The following RORB variants were observed in gnomAD, a reference collection of about 807,000 sequenced individuals.
RORB encodes the protein nuclear receptor ROR-beta.
A neutral mutation model predicts 59.1 loss-of-function variants in RORB; 6 were observed. The observed-to-expected ratio is 0.10, with a 90% CI of 0.06 to 0.20. The LOEUF is 0.20. Ranked by LOEUF, RORB falls within the 10% of genes least tolerant of loss-of-function variation. The pLI is 1.00. For missense variants in RORB, 320 were observed against 560.5 expected (o/e 0.57, Z 4.33); for synonymous variants, 215 against 204.5 (o/e 1.05, Z -0.44).
At chr9:74,624,918 A>C (rs932061487) in intron 1 of RORB, among the ~76,000 whole-genome samples, 1 of 152,170 alleles carries the variant, frequency 6.6e-6, no homozygotes, top group African/African-American at 2.4e-5. Context: ...ATAACTGTAC[A>C]ATTATGGGAA....
chr9:74,681,424 C>T (rs892181326), intron 9 of RORB, among the ~76,000 whole-genome samples: 5 of 152,346 alleles, frequency 3.3e-5, no homozygotes, highest in East Asian at 3.9e-4. Context: ...TCTGTTTCCA[C>T]AGCCGACTGG....
chr9:74,507,931 A>G (rs1825890729), intron 1 of RORB, among the ~76,000 whole-genome samples: 1 of 152,044 alleles, frequency 6.6e-6, no homozygotes. Flanking sequence ...AAAACACATC[A>G]TATCGTTAAG....
rs1824656025 is a variant in RORB at position 74,686,885 on chromosome 9, AAAG to A, written c.*1269_*1271del. 6.6e-6 allele frequency: 1 copy of A among 152,444 alleles called. No individual in the cohort carries two copies. The highest frequency in any genetic ancestry group is 1.5e-5 in the Non-Finnish European group (1 of 68,016). 9.4% of individuals were successfully genotyped at this position (152,444 alleles called of 1,614,324 possible). A position where few individuals can be genotyped will look rare whatever the true frequency, so the allele number is the denominator to read the frequency against. ...CAAAAACTTGACAGACTAGAAAAAA[AAAG>A]ATCTGTGTTATTCTAGGGAACTAAT... On this transcript the variant is annotated 3_prime_UTR_variant, in exon 10 of 10. Coordinates refer to ENST00000376896, the MANE Select transcript of RORB (RefSeq NM_006914.4).
At chr9:74,545,309 T>C (rs1182862455) in intron 1 of RORB, among the ~76,000 whole-genome samples, 4 of 152,224 alleles carry the variant, frequency 2.6e-5, no homozygotes, top group Non-Finnish European at 5.9e-5. Flanking sequence ...TTGGAGCACG[T>C]TGGTAGTTCT....
intron 1 of RORB, among the ~76,000 whole-genome samples, chr9:74,607,437 G>A (rs1370588799): frequency 6.6e-6 from 1 of 152,088 alleles, no homozygotes; most frequent in Non-Finnish European, 1.5e-5. Context: ...AAGCTATGTT[G>A]GGGGACTACA....
rs192844643 is a variant in RORB, at chr9:74,547,121, G to T, written c.7+49138G>T. On this transcript the variant is annotated intron_variant, in intron 1 of 9. Coordinates refer to ENST00000376896, the MANE Select transcript of RORB (RefSeq NM_006914.4). ...AAAAATAAATTGTTGGATTGTTTTG[G>T]TTTTTTTTGTTATCAGAGGAGAGAC... Among the ~76,000 whole-genome samples, 1,257 of 151,960 alleles carry T rather than the reference G, an allele frequency of 8.3e-3. 11 individuals carry two copies. Among genetic ancestry groups the T allele is most frequent in the Non-Finnish European group, 0.013 (916 of 67,960 alleles).
chr9:74,684,415 C>T (rs1206834039), intron 9 of RORB, among the ~76,000 whole-genome samples: 1 of 152,126 alleles, frequency 6.6e-6, no homozygotes, highest in Non-Finnish European at 1.5e-5. Flanking sequence ...GCTATCATGC[C>T]TATCTTTTAT....
intron 8 of RORB, among the ~76,000 whole-genome samples, chr9:74,668,855 G>T (rs987751576): frequency 6.6e-6 from 1 of 152,158 alleles, no homozygotes; most frequent in Non-Finnish European, 1.5e-5. Context: ...TTGTAGAAGG[G>T]TCACCTGTAT....
chr9:74,519,285 C>A (rs1314803366), intron 1 of RORB, among the ~76,000 whole-genome samples: 1 of 151,970 alleles, frequency 6.6e-6, no homozygotes, highest in African/African-American at 2.4e-5. Flanking sequence ...CACACGCATG[C>A]ACGCGGGAAG....
intron 9 of RORB, among the ~76,000 whole-genome samples, chr9:74,672,593 G>T (rs770284379): frequency 2.0e-5 from 3 of 152,254 alleles, no homozygotes; most frequent in Non-Finnish European, 2.9e-5. Context: ...AATTAAGAAT[G>T]ATCTTTAATA....
In RORB at chr9:74,545,099, GT is replaced by G. The variant is rs113301176; in HGVS notation, c.7+47129del. On this transcript the variant is annotated intron_variant, in intron 1 of 9. Transcript: ENST00000376896. ...TCCCTTCTATGTTCACTGCGAGCAGGTTTTTTTTTTTTTGCGGCGCTTATTG... is the reference window on the plus strand; with the variant it reads ...TCCCTTCTATGTTCACTGCGAGCAGGTTTTTTTTTTTTGCGGCGCTTATTG... Among the ~76,000 whole-genome samples, 1,144 of 143,812 alleles carry G rather than the reference GT, an allele frequency of 8.0e-3. 9 individuals carry two copies. The highest frequency in any genetic ancestry group is 0.025 in the African/African-American group (986 of 39,342). The allele number at this position is 143,812 out of a possible 152,430, so 94.3% of individuals were successfully genotyped here.
At chr9:74,648,123 A>G (rs2118478029) in intron 4 of RORB, among the ~76,000 whole-genome samples, 1 of 152,294 alleles carries the variant, frequency 6.6e-6, no homozygotes, top group Non-Finnish European at 1.5e-5. Context: ...AAGTAGACCA[A>G]ACTTGCAAGA....
chr9:74,657,275 C>T (rs535573810), intron 4 of RORB, among the ~76,000 whole-genome samples: 95 of 151,980 alleles, frequency 6.3e-4, no homozygotes, highest in African/African-American at 8.9e-4. Context: ...CCATGTTGGC[C>T]GGGATGGTCT....
chr9:74,600,509 G>A (rs1052913293), intron 1 of RORB, among the ~76,000 whole-genome samples: 5 of 152,034 alleles, frequency 3.3e-5, no homozygotes, highest in Non-Finnish European at 7.4e-5. Context: ...GGTGTTTCTG[G>A]GATCACTGAT....
At chr9:74,632,511 A>G (rs537740326) in intron 2 of RORB, among the ~76,000 whole-genome samples, 2 of 152,304 alleles carry the variant, frequency 1.3e-5, no homozygotes, top group Non-Finnish European at 2.9e-5. Context: ...AATAACATCA[A>G]TTCAGCTTGT....
At chr9:74,677,037 C>G (rs749040388) in intron 9 of RORB, among the ~76,000 whole-genome samples, 1 of 152,202 alleles carries the variant, frequency 6.6e-6, no homozygotes, top group Non-Finnish European at 1.5e-5. Flanking sequence ...GACAGATCCT[C>G]TCTCACACAG....
In RORB at chr9:74,648,681, G is replaced by A. The variant is rs149234841; in HGVS notation, c.637+5866G>A. On this transcript the variant is annotated intron_variant, in intron 4 of 9. Transcript: ENST00000376896. ...TAACAACCACTGTCAAATCAGAACC[G>A]TGCACTAGCCTCTTCTCTCCGTCCA... is the stretch of plus-strand genomic sequence containing the variant. 4.2e-3 allele frequency among the ~76,000 whole-genome samples: 633 copies of A among 152,218 alleles called. 3 individuals are homozygous for A. Among genetic ancestry groups the A allele is most frequent in the Middle Eastern group, 6.8e-3 (2 of 294 alleles).
At chr9:74,513,836 A>G (rs1459858320) in intron 1 of RORB, among the ~76,000 whole-genome samples, 1 of 152,148 alleles carries the variant, frequency 6.6e-6, no homozygotes, top group African/African-American at 2.4e-5. Context: ...ATTTTAATAT[A>G]TAAAATCTAA....
intron 3 of RORB, among the ~76,000 whole-genome samples, chr9:74,635,289 T>G (rs374712106): frequency 1.3e-5 from 2 of 152,252 alleles, no homozygotes; most frequent in East Asian, 3.9e-4. Context: ...GAGCCCATAA[T>G]GAAGTTTCCA....
Sources: gnomAD v4.1 joint callset for allele counts (sites outside exome capture counted in the v4.1 genomes callset) on GRCh38, gnomAD v4.1.1 for gene constraint, MANE v1.5 for transcripts, NCBI Gene and HGNC (gene_info 2026-07-23, HGNC 2026-07-21) for gene names.